Variants in ASCC3 observed in about 807,000 individuals in gnomAD.
ASCC3 encodes ASC-1 complex subunit P200.
ASCC3 carries 158 observed loss-of-function variants against 256.3 expected under a neutral mutation model. The observed-to-expected ratio is 0.62, with a 90% CI of 0.54 to 0.70. The LOEUF is 0.70. ASCC3 is among the 30% of genes least tolerant of loss of function. ASCC3 has a pLI of 0.00. For synonymous variants in ASCC3, 948 were observed against 883.4 expected (o/e 1.07, Z -1.30); for missense variants, 2,259 against 2,626.0 (o/e 0.86, Z 3.05).
At chr6:100,585,247 A>T (rs898813701) in intron 36 of ASCC3, among the ~76,000 whole-genome samples, 1 of 152,138 alleles carries the variant, frequency 6.6e-6, no homozygotes, top group Non-Finnish European at 1.5e-5. Context: ...CTTTTCACAT[A>T]GTCCCATATT....
At chr6:100,579,430 A>G (rs1265652290) in intron 36 of ASCC3, among the ~76,000 whole-genome samples, 1 of 152,068 alleles carries the variant, frequency 6.6e-6, no homozygotes, top group Non-Finnish European at 1.5e-5. Context: ...GCCTACGTCC[A>G]GAATGGTATT....
chr6:100,752,444 T>C (rs1168450702), intron 10 of ASCC3, among the ~76,000 whole-genome samples: 1 of 152,142 alleles, frequency 6.6e-6, no homozygotes, highest in Non-Finnish European at 1.5e-5. Flanking sequence ...ACTCTAGAAA[T>C]GTTTCCAGAA....
chr6:100,584,908 C>T (rs1771562148), intron 36 of ASCC3, among the ~76,000 whole-genome samples: 1 of 152,046 alleles, frequency 6.6e-6, no homozygotes, highest in East Asian at 1.9e-4. Context: ...AATATTGGCC[C>T]CCACTCTCTT....
chr6:100,818,568 CAAA>C (rs529493065), intron 4 of ASCC3, among the ~76,000 whole-genome samples: 1 of 103,208 alleles, frequency 9.7e-6, no homozygotes. Flanking sequence ...GACTCCGTCT[CAAA>C]AAAAAAAAAA....
intron 10 of ASCC3, among the ~76,000 whole-genome samples, chr6:100,758,375 C>T (rs1486057485): frequency 1.3e-5 from 2 of 152,156 alleles, no homozygotes; most frequent in East Asian, 3.9e-4. Context: ...CCCTCACCCC[C>T]CAAACCCCAA....
chr6:100,687,442 A>C (rs1362084396), intron 13 of ASCC3, among the ~76,000 whole-genome samples: 1 of 151,806 alleles, frequency 6.6e-6, no homozygotes, highest in Non-Finnish European at 1.5e-5. Context: ...GCCCACTGCA[A>C]CCTCCACCTC....
rs577937292 is a variant in ASCC3, at chr6:100,614,534, T to C, written c.4786-7446A>G. On this transcript the variant is annotated intron_variant, in intron 30 of 41. Coordinates refer to ENST00000369162, the MANE Select transcript of ASCC3 (RefSeq NM_006828.4). ...GTTTCCTATTATTCTCTTTCATAAC[T>C]GAAGAGATGGCGCGCAGAGATTAAT... Among the ~76,000 whole-genome samples, 120 of 152,274 alleles carry C rather than the reference T, an allele frequency of 7.9e-4. 1 individual carries two copies. The South Asian group carries it at 0.023, about 30-fold the overall frequency.
intron 33 of ASCC3, among the ~76,000 whole-genome samples, chr6:100,605,209 T>C (rs1326351107): frequency 6.6e-6 from 1 of 152,160 alleles, no homozygotes; most frequent in Non-Finnish European, 1.5e-5. Flanking sequence ...TAGTACTCTA[T>C]GAGATAGCTG....
At chr6:100,852,332 A>C (rs1347896840) in intron 3 of ASCC3, among the ~76,000 whole-genome samples, 1 of 152,182 alleles carries the variant, frequency 6.6e-6, no homozygotes, top group Non-Finnish European at 1.5e-5. Context: ...CCAATTGGCC[A>C]CATCAGAAGG....
intron 30 of ASCC3, among the ~76,000 whole-genome samples, chr6:100,607,447 G>A (rs1323822627): frequency 6.6e-6 from 1 of 151,598 alleles, no homozygotes; most frequent in Non-Finnish European, 1.5e-5. Context: ...GAAGTTCAGT[G>A]CCAAAAATTT....
chr6:100,597,100 A>T (rs944645378), intron 34 of ASCC3, among the ~76,000 whole-genome samples: 1 of 152,154 alleles, frequency 6.6e-6, no homozygotes, highest in Non-Finnish European at 1.5e-5. Context: ...AAATATCAGC[A>T]CCCTTAATGA....
intron 36 of ASCC3, among the ~76,000 whole-genome samples, chr6:100,563,836 G>A (rs776392459): frequency 2.0e-5 from 3 of 151,802 alleles, no homozygotes; most frequent in Non-Finnish European, 4.4e-5. Context: ...AATTGATATC[G>A]ATATTAAAAT....
At chr6:100,604,329 G>C (rs529741003) in intron 33 of ASCC3, among the ~76,000 whole-genome samples, 30 of 151,598 alleles carry the variant, frequency 2.0e-4, no homozygotes, top group Admixed American at 5.3e-4. Context: ...TGGTGTTGTT[G>C]ATTTTTCTCT....
At chr6:100,839,874 A>G (rs1339672035) in intron 4 of ASCC3, among the ~76,000 whole-genome samples, 1 of 152,136 alleles carries the variant, frequency 6.6e-6, no homozygotes, top group Non-Finnish European at 1.5e-5. Flanking sequence ...CTTAAGTGGG[A>G]AAAAAGCAAC....
At position 100,712,836 on chromosome 6, in the gene ASCC3, C is replaced by A. The variant is rs374561227; in HGVS notation, c.2151+2626G>T. Among the ~76,000 whole-genome samples the A allele has an allele frequency of 6.7e-5, 9 of 134,738 alleles. No individual in the cohort carries two copies. The East Asian group carries it at 1.8e-3, about 27-fold the overall frequency. The allele number at this position is 134,738 out of a possible 152,430, so 88.4% of individuals were successfully genotyped here. ...ACAGTGACACCATCTCAGCTCACTGCAAGCCCCACCTCCCAGGTTCACGCC... is the reference window on the plus strand; with the variant it reads ...ACAGTGACACCATCTCAGCTCACTGAAAGCCCCACCTCCCAGGTTCACGCC... On this transcript the variant is annotated intron_variant, in intron 13 of 41. Transcript: ENST00000369162.
intron 37 of ASCC3, among the ~76,000 whole-genome samples, chr6:100,520,909 T>C (rs1436911266): frequency 6.6e-6 from 1 of 152,176 alleles, no homozygotes; most frequent in Non-Finnish European, 1.5e-5. Context: ...CTGCTGTTCT[T>C]GACACACTCC....
chr6:100,689,591 A>T (rs1777739752), intron 13 of ASCC3, among the ~76,000 whole-genome samples: 1 of 152,188 alleles, frequency 6.6e-6, no homozygotes. Flanking sequence ...TGAAATTACA[A>T]TGTTAAAAAT....
rs371961522 is a variant in ASCC3, at chr6:100,649,032, A to T, written c.3252+1506T>A. 5.3e-5 allele frequency among the ~76,000 whole-genome samples: 8 copies of T among 151,966 alleles called. No individual in the cohort carries two copies. The East Asian group carries it at 1.5e-3, about 29-fold the overall frequency. On this transcript the variant is annotated intron_variant, in intron 20 of 41. Coordinates refer to ENST00000369162, the MANE Select transcript of ASCC3 (RefSeq NM_006828.4). Reference sequence around the variant, plus strand: ...AAGAAAATATCATTTTACAGAGTTGAGAGAGTAGTTGTTCAATTACTGATA... The same window carrying T: ...AAGAAAATATCATTTTACAGAGTTGTGAGAGTAGTTGTTCAATTACTGATA...
intron 37 of ASCC3, among the ~76,000 whole-genome samples, chr6:100,535,696 T>C (rs1775127677): frequency 6.6e-6 from 1 of 152,076 alleles, no homozygotes; most frequent in Admixed American, 6.6e-5. Context: ...CTTGAACTCC[T>C]GACCTTGTGA....
Sources: gnomAD v4.1 joint callset for allele counts (sites outside exome capture counted in the v4.1 genomes callset) on GRCh38, gnomAD v4.1.1 for gene constraint, MANE v1.5 for transcripts, NCBI Gene and HGNC (gene_info 2026-07-23, HGNC 2026-07-21) for gene names.